Variants in CNKSR3 observed in about 807,000 individuals in gnomAD.
CNKSR3 encodes the protein connector enhancer of kinase suppressor of ras 3.
In CNKSR3, 36 loss-of-function variants were observed where a neutral mutation model predicts 67.7. The ratio of observed to expected loss-of-function variants is 0.53; its 90% CI spans 0.41 to 0.70. The LOEUF (loss-of-function observed/expected upper bound fraction) is 0.70, where lower values mean the gene tolerates loss of function less well. Ranked by LOEUF, CNKSR3 falls within the 30% of genes least tolerant of loss-of-function variation. The probability of loss-of-function intolerance (pLI) is 0.00; values close to 1 mark genes in which losing one functional copy is unlikely to be tolerated. For synonymous variants in CNKSR3, 281 were observed against 271.4 expected (o/e 1.04, Z -0.35); for missense variants, 630 against 695.2 (o/e 0.91, Z 1.05).
chr6:154,414,181 T>A, intron 10 of CNKSR3, 118 bp downstream of exon 10: 1 of 1,069,524 alleles, frequency 9.3e-7, no homozygotes, highest in East Asian at 2.7e-5. Context: ...AGTTCAAGAT[T>A]CAGCCCTGTC....
chr6:154,505,716 G>A (rs1332081111), intron 1 of CNKSR3, among the ~76,000 whole-genome samples: 1 of 148,858 alleles, frequency 6.7e-6, no homozygotes, highest in Non-Finnish European at 1.5e-5. Flanking sequence ...TGGTCAGGAT[G>A]GTCTCGATCT....
At chr6:154,449,660 A>AT (rs1336388417) in intron 2 of CNKSR3, among the ~76,000 whole-genome samples, 6 of 152,168 alleles carry the variant, frequency 3.9e-5, no homozygotes, top group Non-Finnish European at 7.4e-5. Context: ...TATTTCCATC[A>AT]TTTTTTCCTT....
At chr6:154,413,167 C>CACAA (rs1250291735) in intron 10 of CNKSR3, among the ~76,000 whole-genome samples, 2 of 149,898 alleles carry the variant, frequency 1.3e-5, no homozygotes, top group African/African-American at 4.9e-5. Flanking sequence ...CACACACACA[C>CACAA]ACACACACAA....
At chr6:154,479,232 T>A (rs920482647) in intron 1 of CNKSR3, among the ~76,000 whole-genome samples, 139 of 141,578 alleles carry the variant, frequency 9.8e-4, no homozygotes, top group Non-Finnish European at 1.7e-3. Context: ...AAAAAAAAAA[T>A]ATTCTTTCAG....
chr6:154,498,303 A>G (rs1050647043), intron 1 of CNKSR3, among the ~76,000 whole-genome samples: 2 of 152,164 alleles, frequency 1.3e-5, no homozygotes, highest in African/African-American at 4.8e-5. Context: ...ATGGCTGTCC[A>G]CAGAGGAAAT....
Position 154,403,834 on chromosome 6 carries a change from C to T in CNKSR3, c.*2520G>A, listed in dbSNP as rs1206497760. On this transcript the variant is annotated 3_prime_UTR_variant, in exon 13 of 13. Transcript: ENST00000607772. ...ACTTAAAGGATGGCTGTTCAATTCA[C>T]AAGTGGCATTTTCCCCACAGAAAAA... The T allele has an allele frequency of 6.6e-6, 1 of 152,170 alleles. No homozygotes were observed. The highest frequency in any genetic ancestry group is 2.4e-5 in the African/African-American group (1 of 41,430). The allele number at this position is 152,170 out of a possible 1,614,324, so 9.4% of individuals were successfully genotyped here.
Position 154,433,516 on chromosome 6 carries a change from G to T in CNKSR3, c.508-9C>A. On this transcript the variant is annotated splice_polypyrimidine_tract_variant and intron_variant, in intron 4 of 12. Coordinates refer to ENST00000607772, the MANE Select transcript of CNKSR3 (RefSeq NM_173515.4). ...TCCGCTACAAAGCAATCCTAAAGAAGGGGATGGAGAAAATGAATACTAAGT... is the reference window on the plus strand; with the variant it reads ...TCCGCTACAAAGCAATCCTAAAGAATGGGATGGAGAAAATGAATACTAAGT... The T allele has an allele frequency of 6.3e-7, 1 of 1,582,550 alleles. No individual in the cohort carries two copies. The highest frequency in any genetic ancestry group is 8.6e-7 in the Non-Finnish European group (1 of 1,157,542).
intron 1 of CNKSR3, among the ~76,000 whole-genome samples, chr6:154,500,494 G>A (rs755636116): frequency 6.6e-6 from 1 of 152,124 alleles, no homozygotes. Context: ...ACTCACAGCT[G>A]GGTGTGAGCA....
intron 9 of CNKSR3, among the ~76,000 whole-genome samples, chr6:154,420,371 A>T (rs1176471213): frequency 6.6e-6 from 1 of 152,150 alleles, no homozygotes; most frequent in Non-Finnish European, 1.5e-5. Flanking sequence ...GATCTATTGT[A>T]TAGCACAGTG....
chr6:154,442,972 C>CTCTT (rs1221619762), intron 2 of CNKSR3, among the ~76,000 whole-genome samples: 2 of 152,140 alleles, frequency 1.3e-5, no homozygotes, highest in Non-Finnish European at 2.9e-5. Context: ...TCACTGCAAC[C>CTCTT]TCTTCTTCCT....
rs1785798770 is a variant in CNKSR3 at position 154,450,232 on chromosome 6, C to T, written c.79G>A (p.Val27Ile). The change falls in exon 2 of 13, where the codon GTC becomes ATC. Residue 27 changes from valine (V) to isoleucine (I), a missense_variant. Val to Ile is a conservative substitution (Grantham distance 29, BLOSUM62 3). This residue lies in a region of CNKSR3 where 189 missense variants were observed against 205.0 expected (regional missense o/e 0.92). Transcript: ENST00000607772. ...ATCTTCTCTCGTTCAAACTTGTGGA[C>T]ATATTGTTGCAGGCAGTCATCCAAC... ...RGLDDCLQQY[V>I]HKFEREKING... The T allele has an allele frequency of 6.2e-7, 1 of 1,614,102 alleles. No homozygotes were observed. Among genetic ancestry groups the T allele is most frequent in the Non-Finnish European group, 8.5e-7 (1 of 1,180,006 alleles).
At chr6:154,447,200 C>T (rs979566707) in intron 2 of CNKSR3, among the ~76,000 whole-genome samples, 6 of 152,190 alleles carry the variant, frequency 3.9e-5, no homozygotes, top group African/African-American at 1.4e-4. Context: ...GCCAACAGAA[C>T]TCTATGCACA....
At chr6:154,474,063 G>GT (rs1562349346) in intron 1 of CNKSR3, among the ~76,000 whole-genome samples, 1 of 151,080 alleles carries the variant, frequency 6.6e-6, no homozygotes. Context: ...GATTACAGGC[G>GT]TGAGTCACTG....
At chr6:154,424,897 G>A (rs1040665089) in intron 7 of CNKSR3, among the ~76,000 whole-genome samples, 6 of 152,004 alleles carry the variant, frequency 3.9e-5, no homozygotes, top group East Asian at 1.9e-4. Context: ...TCAACCTCCC[G>A]GGTAGTTGGG....
chr6:154,443,932 G>A (rs928672455), intron 2 of CNKSR3, among the ~76,000 whole-genome samples: 1 of 152,132 alleles, frequency 6.6e-6, no homozygotes, highest in Non-Finnish European at 1.5e-5. Context: ...TTCAGCTTAT[G>A]TGGGTGCTTC....
In CNKSR3 at chr6:154,394,712, A is replaced by G. The variant is rs1784641570; in HGVS notation, c.*11642T>C. The G allele has an allele frequency of 6.6e-6, 1 of 152,110 alleles. No homozygotes were observed. The highest frequency in any genetic ancestry group is 1.9e-4 in the East Asian group (1 of 5,198). 9.4% of individuals were successfully genotyped at this position (152,110 alleles called of 1,614,324 possible). A position where few individuals can be genotyped will look rare whatever the true frequency, so the allele number is the denominator to read the frequency against. Reference sequence around the variant, plus strand: ...GTGAAATTGAAAACAAAGAAACAACAGAAAGGCCCAACAAAGGGACCACTG... The same window carrying G: ...GTGAAATTGAAAACAAAGAAACAACGGAAAGGCCCAACAAAGGGACCACTG... On this transcript the variant is annotated 3_prime_UTR_variant, in exon 13 of 13. Coordinates refer to ENST00000607772, the MANE Select transcript of CNKSR3 (RefSeq NM_173515.4).
intron 1 of CNKSR3, among the ~76,000 whole-genome samples, chr6:154,472,851 G>A (rs1786361211): frequency 6.6e-6 from 1 of 151,074 alleles, no homozygotes; most frequent in African/African-American, 2.4e-5. Flanking sequence ...GTACAGGGCA[G>A]GACTCTACAA....
intron 1 of CNKSR3, among the ~76,000 whole-genome samples, chr6:154,470,189 T>TTA (rs1786296569): frequency 5.2e-5 from 1 of 19,318 alleles, no homozygotes; most frequent in Non-Finnish European, 8.3e-5. Flanking sequence ...CTTTCTTTCC[T>TTA]TTTTTTTTTT....
Position 154,400,315 on chromosome 6 carries a change from CCT to C in CNKSR3, c.*6037_*6038del, listed in dbSNP as rs1158881665. On this transcript the variant is annotated 3_prime_UTR_variant, in exon 13 of 13. Transcript: ENST00000607772. ...TTAGGTGTAGCCTCACGTTTTAATC[CCT>C]GAGGTATGTTGTAAATGGGCAGCGC... 6.6e-6 allele frequency: 1 copy of C among 152,150 alleles called. No homozygotes were observed. Among genetic ancestry groups the C allele is most frequent in the African/African-American group, 2.4e-5 (1 of 41,428 alleles). The allele number at this position is 152,150 out of a possible 1,614,324, so 9.4% of individuals were successfully genotyped here.
Sources: gnomAD v4.1 joint callset for allele counts (sites outside exome capture counted in the v4.1 genomes callset) on GRCh38, gnomAD v4.1.1 for gene constraint, gnomAD v4.1.1 regional missense constraint, MANE v1.5 for transcripts, NCBI Gene and HGNC (gene_info 2026-07-23, HGNC 2026-07-21) for gene names.